The following BCO1 variants were observed in gnomAD, a reference collection of about 807,000 sequenced individuals.
BCO1 encodes beta-carotene oxygenase 1.
A neutral mutation model predicts 56.3 loss-of-function variants in BCO1; 54 were observed. The ratio of observed to expected loss-of-function variants is 0.96; its 90% CI spans 0.77 to 1.20. The LOEUF (loss-of-function observed/expected upper bound fraction) is 1.20. Ranked by LOEUF, BCO1 falls within the 50% of genes most tolerant of loss-of-function variation. BCO1 has a pLI of 0.00. For synonymous variants in BCO1, 318 were observed against 266.1 expected, an observed-to-expected ratio of 1.20 and a Z score of -1.90; for missense variants, 801 against 690.9, an observed-to-expected ratio of 1.16 and a Z score of -1.79.
Position 81,269,116 on chromosome 16 carries a change from T to C in BCO1, c.843+985T>C, listed in dbSNP as rs181906192. Among the ~76,000 whole-genome samples the C allele has an allele frequency of 1.7e-3, 229 of 134,010 alleles. 1 individual carries two copies. Among genetic ancestry groups the C allele is most frequent in the African/African-American group, 6.5e-3 (219 of 33,476 alleles). 87.9% of individuals were successfully genotyped at this position (134,010 alleles called of 152,430 possible). ...GTTGTCACTTCACTTTTGTAAAATA[T>C]CCAGTAGTTCTCAGTGTTACCTATT... On this transcript the variant is annotated intron_variant, in intron 6 of 10. Coordinates refer to ENST00000258168, the MANE Select transcript of BCO1 (RefSeq NM_017429.3).
At chr16:81,284,929 T>A (rs1293656010) in intron 8 of BCO1, among the ~76,000 whole-genome samples, 1 of 151,282 alleles carries the variant, frequency 6.6e-6, no homozygotes, top group Non-Finnish European at 1.5e-5. Flanking sequence ...CTCTGCCTCC[T>A]GGGTTCAAGT....
intron 9 of BCO1, among the ~76,000 whole-genome samples, chr16:81,285,836 G>T (rs994195198): frequency 6.6e-6 from 1 of 152,032 alleles, no homozygotes; most frequent in South Asian, 2.1e-4. Context: ...AGAGGTTGTG[G>T]CTGGAGTTTA....
At chr16:81,240,836 AT>A (rs140061342) in intron 1 of BCO1, among the ~76,000 whole-genome samples, 34 of 139,796 alleles carry the variant, frequency 2.4e-4, no homozygotes, top group African/African-American at 7.7e-4. Context: ...TTTAATTTTA[AT>A]TTTTTTTTTT....
chr16:81,241,228 A>T (rs112152544), intron 1 of BCO1, among the ~76,000 whole-genome samples: 1 of 151,882 alleles, frequency 6.6e-6, no homozygotes, highest in East Asian at 2.0e-4. Context: ...CATGAGAATC[A>T]CTTGAACCCA....
intron 2 of BCO1, 87 bp downstream of exon 2, chr16:81,245,690 G>C: frequency 6.5e-7 from 1 of 1,547,874 alleles, no homozygotes; most frequent in Non-Finnish European, 8.8e-7. Flanking sequence ...TATTCTTTTA[G>C]GGATTGGAGG....
rs1907113064 is a variant in BCO1 at position 81,270,331 on chromosome 16, A to G, written c.1016A>G (p.Asn339Ser). 6.2e-7 allele frequency: 1 copy of G among 1,614,084 alleles called. No homozygotes were observed. Residue 339 changes from asparagine (N) to serine (S), a missense_variant, in exon 7 of 11, where the codon AAC becomes AGC. Asn to Ser is a conservative substitution (Grantham distance 46). Transcript: ENST00000258168. Reference protein sequence around the residue: ...NSLYQLFYLANLNQDFKENSR... With the variant: ...NSLYQLFYLASLNQDFKENSR... ...CTCTACCAGCTCTTCTACCTGGCCAACCTGAACCAGGACTTCAAGGAGAAC... is the reference window on the plus strand; with the variant it reads ...CTCTACCAGCTCTTCTACCTGGCCAGCCTGAACCAGGACTTCAAGGAGAAC...
chr16:81,239,361 A>G (rs1242834539), intron 1 of BCO1, among the ~76,000 whole-genome samples: 2 of 152,128 alleles, frequency 1.3e-5, no homozygotes, highest in Non-Finnish European at 2.9e-5. Flanking sequence ...TGATGATATA[A>G]GTAATACTAA....
intron 4 of BCO1, chr16:81,262,615 G>T (rs1906557377): frequency 2.8e-6 from 1 of 354,974 alleles, no homozygotes; most frequent in African/African-American, 2.1e-5. Flanking sequence ...ATCACCTGAG[G>T]TCAGGAGTTT....
chr16:81,252,873 A>T (rs1397477894), intron 2 of BCO1, among the ~76,000 whole-genome samples: 2 of 152,044 alleles, frequency 1.3e-5, no homozygotes, highest in Admixed American at 1.3e-4. Flanking sequence ...TCTCATTTAA[A>T]ACTGCCCACC....
Position 81,264,776 on chromosome 16 carries a change from C to T in BCO1, c.608C>T (p.Ala203Val), listed in dbSNP as rs1450570614. ...KTKYVIFKIP[A>V]TVPEGKKQGK... is the part of the protein sequence containing the mutation. ...AAGTATGTGATTTTTAAGATCCCTG[C>T]CACAGTACCAGGTAGGCCACTCTGG... is the stretch of plus-strand genomic sequence containing the variant. Residue 203 changes from alanine (A) to valine (V), a missense_variant, in exon 5 of 11, where the codon GCC becomes GTC. Physicochemically the swap from Ala to Val is moderately conservative, Grantham distance 64. Transcript: ENST00000258168. 6.2e-7 allele frequency: 1 copy of T among 1,613,990 alleles called. No individual in the cohort carries two copies. The highest frequency in any genetic ancestry group is 8.5e-7 in the Non-Finnish European group (1 of 1,180,018).
intron 7 of BCO1, among the ~76,000 whole-genome samples, chr16:81,272,166 T>C (rs1237888395): frequency 6.9e-6 from 1 of 145,774 alleles, no homozygotes; most frequent in Non-Finnish European, 1.5e-5. Context: ...CAGGCTGGAG[T>C]GCAGTGGCGC....
chr16:81,253,433 C>A (rs919798831), intron 2 of BCO1, among the ~76,000 whole-genome samples: 2 of 152,208 alleles, frequency 1.3e-5, no homozygotes, highest in Non-Finnish European at 2.9e-5. Flanking sequence ...AGGTCAAGTG[C>A]ATGGTTGGTA....
intron 1 of BCO1, among the ~76,000 whole-genome samples, chr16:81,241,402 T>A (rs966538848): frequency 2.0e-4 from 31 of 152,168 alleles, no homozygotes; most frequent in Non-Finnish European, 2.2e-4. Flanking sequence ...AATGACTGCA[T>A]GAAATCCTTG....
intron 2 of BCO1, among the ~76,000 whole-genome samples, chr16:81,252,610 C>T (rs1448219464): frequency 1.3e-5 from 2 of 152,146 alleles, no homozygotes; most frequent in Admixed American, 6.5e-5. Context: ...TAGCCAATGC[C>T]TTGTGGGTGG....
chr16:81,270,051 A>G (rs1907086484), intron 6 of BCO1, 108 bp from the exon 7 acceptor site: 1 of 1,399,136 alleles, frequency 7.1e-7, no homozygotes, highest in Non-Finnish European at 1.0e-6. Flanking sequence ...ATGGGGACAT[A>G]GTCCTGAGCC....
intron 2 of BCO1, 136 bp downstream of exon 2, chr16:81,245,739 G>T: frequency 1.8e-6 from 2 of 1,081,788 alleles, no homozygotes; most frequent in Non-Finnish European, 2.7e-6. Context: ...CTGAAATCAA[G>T]GTGTTCATAG....
intron 2 of BCO1, among the ~76,000 whole-genome samples, chr16:81,258,431 C>G (rs1307144948): frequency 6.6e-6 from 1 of 152,198 alleles, no homozygotes; most frequent in African/African-American, 2.4e-5. Context: ...CAGGTCACCT[C>G]CTGGTTGTGT....
intron 6 of BCO1, 103 bp from the exon 7 acceptor site, chr16:81,270,056 T>G: frequency 6.9e-7 from 1 of 1,455,232 alleles, no homozygotes; most frequent in East Asian, 2.3e-5. Flanking sequence ...GACATAGTCC[T>G]GAGCCTAGCT....
intron 5 of BCO1, 44 bp from the exon 6 acceptor site, chr16:81,267,864 C>A: frequency 1.1e-5 from 18 of 1,574,272 alleles, no homozygotes; most frequent in Non-Finnish European, 1.6e-5. Context: ...GGGGGGGCAG[C>A]CAGATCCTGC....
Sources: allele counts gnomAD v4.1 joint callset (sites outside exome capture counted in the v4.1 genomes callset), GRCh38; gene constraint gnomAD v4.1.1; transcripts MANE v1.5; gene names NCBI Gene and HGNC (gene_info 2026-07-23, HGNC 2026-07-21).